UNC13C: variants seen among roughly 807,000 people sequenced by gnomAD.
UNC13C encodes unc-13 homolog C, also known as protein unc-13 homolog C.
In UNC13C, 174 loss-of-function variants were observed where a neutral mutation model predicts 245.4. The ratio of observed to expected loss-of-function variants is 0.71; its 90% CI spans 0.63 to 0.80. UNC13C has a LOEUF of 0.80. UNC13C is among the 30% of genes least tolerant of loss of function. The pLI is 0.00. For synonymous variants in UNC13C, 992 were observed against 895.1 expected (o/e 1.11, Z -1.93); for missense variants, 2,829 against 2,602.9 (o/e 1.09, Z -1.89).
chr15:54,224,939 T>C (rs1408951698), intron 4 of UNC13C, among the ~76,000 whole-genome samples: 1 of 152,070 alleles, frequency 6.6e-6, no homozygotes, highest in African/African-American at 2.4e-5. Flanking sequence ...GGCATATAGT[T>C]GCTCATAGTA....
chr15:54,006,390 G>C (rs116841282), intron 1 of UNC13C, among the ~76,000 whole-genome samples: 1 of 152,120 alleles, frequency 6.6e-6, no homozygotes, highest in African/African-American at 2.4e-5. Context: ...TTAAAAAATA[G>C]TATATTAGCT....
chr15:53,873,272 T>C, the UNC13C span, among the ~76,000 whole-genome samples: 1 of 152,172 alleles, frequency 6.6e-6, no homozygotes, highest in Non-Finnish European at 1.5e-5. Flanking sequence ...TTGTGAGTTT[T>C]CTGCGGAGAC....
intron 19 of UNC13C, among the ~76,000 whole-genome samples, chr15:54,463,731 A>G (rs1327487651): frequency 6.6e-6 from 1 of 152,150 alleles, no homozygotes; most frequent in Admixed American, 6.5e-5. Flanking sequence ...TCATTCTTGA[A>G]ATCAGTTAGA....
intron 2 of UNC13C, among the ~76,000 whole-genome samples, chr15:54,094,905 A>G (rs1433854863): frequency 6.6e-6 from 1 of 152,164 alleles, no homozygotes; most frequent in Non-Finnish European, 1.5e-5. Context: ...AAAGTGATTC[A>G]GACATTTTAA....
intron 30 of UNC13C, among the ~76,000 whole-genome samples, chr15:54,593,615 T>G (rs144608978): frequency 1.7e-3 from 253 of 152,304 alleles, no homozygotes; most frequent in African/African-American, 5.9e-3. Flanking sequence ...ACTTGTTCAA[T>G]TCTATTGCTG....
At chr15:54,036,241 A>G (rs1311358034) in intron 2 of UNC13C, among the ~76,000 whole-genome samples, 1 of 152,124 alleles carries the variant, frequency 6.6e-6, no homozygotes, top group Non-Finnish European at 1.5e-5. Context: ...ATGTCTCTAT[A>G]ATGGTCTAAT....
At chr15:54,452,472 A>G (rs1596400059) in intron 19 of UNC13C, among the ~76,000 whole-genome samples, 3 of 152,262 alleles carry the variant, frequency 2.0e-5, no homozygotes, top group African/African-American at 7.2e-5. Context: ...AGTGGTGGCA[A>G]CAGCAGGCTG....
intron 22 of UNC13C, among the ~76,000 whole-genome samples, chr15:54,503,341 A>T (rs190194289): frequency 6.6e-6 from 1 of 152,152 alleles, no homozygotes; most frequent in Non-Finnish European, 1.5e-5. Flanking sequence ...GTAACTTACT[A>T]TACAGAATAA....
Position 54,318,377 on chromosome 15 carries a change from G to A in UNC13C, c.4269-3562G>A, listed in dbSNP as rs1479293121. ...AGGGTTCCCTTTTCTCCACATCCTT[G>A]CAAAACACTTCTTACCTCTTATCTT... On this transcript the variant is annotated intron_variant, in intron 13 of 32. Transcript: ENST00000260323. Among the ~76,000 whole-genome samples, 3 of 151,692 alleles carry A rather than the reference G, an allele frequency of 2.0e-5. No homozygotes were observed. The East Asian group carries it at 5.8e-4, about 30-fold the overall frequency.
At chr15:54,200,549 G>A (rs1161925810) in intron 4 of UNC13C, among the ~76,000 whole-genome samples, 1 of 151,930 alleles carries the variant, frequency 6.6e-6, no homozygotes, top group Non-Finnish European at 1.5e-5. Flanking sequence ...ACGTGGAAAT[G>A]AAATAACCTG....
chr15:54,459,846 C>T (rs1367145265), intron 19 of UNC13C, among the ~76,000 whole-genome samples: 1 of 151,678 alleles, frequency 6.6e-6, no homozygotes, highest in Non-Finnish European at 1.5e-5. Context: ...CTCTGGTGCC[C>T]TCTTGAGTAG....
At chr15:54,515,909 G>A (rs547766871) in intron 24 of UNC13C, among the ~76,000 whole-genome samples, 88 of 152,182 alleles carry the variant, frequency 5.8e-4, no homozygotes, top group Non-Finnish European at 1.1e-3. Flanking sequence ...AATTTCCCAT[G>A]AGAGTAACTT....
intron 19 of UNC13C, among the ~76,000 whole-genome samples, chr15:54,459,384 T>C (rs1016261230): frequency 3.9e-5 from 6 of 152,214 alleles, no homozygotes; most frequent in African/African-American, 1.4e-4. Flanking sequence ...GGTGATGACC[T>C]TTTTGTGATG....
chr15:54,198,120 C>T (rs959341677), intron 4 of UNC13C, among the ~76,000 whole-genome samples: 1 of 152,188 alleles, frequency 6.6e-6, no homozygotes, highest in East Asian at 1.9e-4. Flanking sequence ...GGGAATGTAA[C>T]TCCATTGAAC....
intron 17 of UNC13C, among the ~76,000 whole-genome samples, chr15:54,355,717 G>A (rs149898935): frequency 2.9e-3 from 437 of 151,834 alleles, no homozygotes; most frequent in African/African-American, 0.01. Context: ...TATTTCTCAG[G>A]CACATAATTT....
intron 7 of UNC13C, among the ~76,000 whole-genome samples, chr15:54,241,867 A>G (rs2035861352): frequency 6.6e-6 from 1 of 152,144 alleles, no homozygotes; most frequent in Non-Finnish European, 1.5e-5. Context: ...AAGTACTGAC[A>G]TGGAAGCCAG....
At chr15:54,082,894 C>T (rs1273553021) in intron 2 of UNC13C, among the ~76,000 whole-genome samples, 2 of 152,130 alleles carry the variant, frequency 1.3e-5, no homozygotes, top group African/African-American at 4.8e-5. Flanking sequence ...TTCTAAGATG[C>T]TGCTTGTTGT....
intron 1 of UNC13C, among the ~76,000 whole-genome samples, chr15:53,989,829 G>A (rs781458317): frequency 1.3e-5 from 2 of 152,000 alleles, no homozygotes; most frequent in Non-Finnish European, 2.9e-5. Context: ...TTTAAAAGGG[G>A]GCTAATCCTA....
intron 13 of UNC13C, 51 bp downstream of exon 13, chr15:54,300,424 G>A: frequency 6.8e-7 from 1 of 1,471,232 alleles, no homozygotes; most frequent in Non-Finnish European, 9.1e-7. Flanking sequence ...AAAATATAAA[G>A]AAAGAAAGGA....
Sources: gnomAD v4.1 joint callset for allele counts (sites outside exome capture counted in the v4.1 genomes callset) on GRCh38, gnomAD v4.1.1 for gene constraint, MANE v1.5 for transcripts, NCBI Gene and HGNC (gene_info 2026-07-23, HGNC 2026-07-21) for gene names.